Variants in RPRD1A observed in about 807,000 individuals in gnomAD.
RPRD1A encodes the protein regulation of nuclear pre-mRNA domain-containing protein 1A.
Under a neutral mutation model 37.8 loss-of-function variants are expected in RPRD1A, and 9 were observed. The ratio of observed to expected loss-of-function variants is 0.24; its 90% CI spans 0.14 to 0.42. RPRD1A has a LOEUF of 0.42. RPRD1A is among the 10% of genes least tolerant of loss of function. The pLI, the probability that RPRD1A is intolerant of heterozygous loss-of-function variation, is 1.00. For synonymous variants in RPRD1A, 138 were observed against 139.7 expected (o/e 0.99, Z 0.08); for missense variants, 255 against 371.0 (o/e 0.69, Z 2.57).
At chr18:36,024,436 G>A (rs913762674) in intron 6 of RPRD1A, among the ~76,000 whole-genome samples, 1 of 151,442 alleles carries the variant, frequency 6.6e-6, no homozygotes, top group Non-Finnish European at 1.5e-5. Flanking sequence ...GATTACAGGC[G>A]TGAACCACCA....
intron 1 of RPRD1A, among the ~76,000 whole-genome samples, chr18:36,046,977 G>C (rs1465535308): frequency 6.6e-6 from 1 of 151,778 alleles, no homozygotes; most frequent in African/African-American, 2.4e-5. Context: ...ACACAAAGTA[G>C]AGATGTTAAA....
intron 1 of RPRD1A, among the ~76,000 whole-genome samples, chr18:36,055,686 A>G (rs1913713285): frequency 6.6e-6 from 1 of 152,240 alleles, no homozygotes; most frequent in South Asian, 2.1e-4. Context: ...TATAAATAAC[A>G]AATTGATTCT....
chr18:36,015,678 T>C (rs1910509652), intron 6 of RPRD1A, among the ~76,000 whole-genome samples: 1 of 152,190 alleles, frequency 6.6e-6, no homozygotes, highest in Non-Finnish European at 1.5e-5. Context: ...ACAAATTGGA[T>C]GAACCTAGAG....
At chr18:36,033,375 T>C (rs1198453264) in intron 2 of RPRD1A, among the ~76,000 whole-genome samples, 1 of 149,956 alleles carries the variant, frequency 6.7e-6, no homozygotes, top group South Asian at 2.1e-4. Context: ...ACAAGACTGA[T>C]AGCTTTATAA....
chr18:36,034,289 T>G (rs142697190), intron 1 of RPRD1A, among the ~76,000 whole-genome samples: 81 of 152,342 alleles, frequency 5.3e-4, no homozygotes, highest in African/African-American at 1.8e-3. Flanking sequence ...TACTATTTTT[T>G]GTTTATGCAA....
intron 1 of RPRD1A, among the ~76,000 whole-genome samples, chr18:36,066,863 G>A (rs970643652): frequency 6.6e-6 from 1 of 152,102 alleles, no homozygotes; most frequent in Non-Finnish European, 1.5e-5. Flanking sequence ...CAGAAATGAC[G>A]GAAGTAACTC....
chr18:36,065,652 C>T (rs951655583), intron 1 of RPRD1A, among the ~76,000 whole-genome samples: 22 of 152,308 alleles, frequency 1.4e-4, no homozygotes, highest in Middle Eastern at 3.4e-3. Context: ...ACTTCATCAA[C>T]TAAGTTGATC....
At chr18:36,043,678 CTTT>C (rs956593950) in intron 1 of RPRD1A, among the ~76,000 whole-genome samples, 4 of 152,022 alleles carry the variant, frequency 2.6e-5, no homozygotes, top group African/African-American at 7.3e-5. Context: ...GAGACTAAAA[CTTT>C]TTTGTTTTAC....
intron 1 of RPRD1A, among the ~76,000 whole-genome samples, chr18:36,062,190 G>A (rs1389237114): frequency 5.3e-5 from 8 of 151,426 alleles, no homozygotes; most frequent in Non-Finnish European, 1.2e-4. Flanking sequence ...GGTGGCGGGC[G>A]CCTGTAGTCC....
At chr18:35,995,261 GTTTTT>G (rs1232555714) in intron 6 of RPRD1A, among the ~76,000 whole-genome samples, 1 of 109,208 alleles carries the variant, frequency 9.2e-6, no homozygotes, top group Non-Finnish European at 1.9e-5. Flanking sequence ...GCTTTTTTTC[GTTTTT>G]TTTTTTTTTT....
chr18:36,060,699 A>G (rs2144419312), intron 1 of RPRD1A, among the ~76,000 whole-genome samples: 1 of 152,312 alleles, frequency 6.6e-6, no homozygotes, highest in Non-Finnish European at 1.5e-5. Flanking sequence ...AACCTATAAT[A>G]CAATATAAAA....
chr18:36,009,977 A>G (rs116215589), intron 6 of RPRD1A, among the ~76,000 whole-genome samples: 18 of 152,176 alleles, frequency 1.2e-4, no homozygotes, highest in African/African-American at 3.9e-4. Context: ...TCCCTTCATT[A>G]TATCTATCTT....
chr18:36,022,550 TAAG>T (rs1414951734), intron 6 of RPRD1A, among the ~76,000 whole-genome samples: 35 of 152,216 alleles, frequency 2.3e-4, no homozygotes, highest in Non-Finnish European at 1.3e-4. Flanking sequence ...CTAGAGTCCT[TAAG>T]AATTATGCTA....
At chr18:36,016,128 A>G (rs1910552703) in intron 6 of RPRD1A, among the ~76,000 whole-genome samples, 1 of 152,242 alleles carries the variant, frequency 6.6e-6, no homozygotes, top group African/African-American at 2.4e-5. Context: ...TTATTACCAA[A>G]CTGTCCTCCA....
intron 6 of RPRD1A, among the ~76,000 whole-genome samples, chr18:35,994,178 T>C (rs965851820): frequency 1.3e-5 from 2 of 152,056 alleles, no homozygotes; most frequent in African/African-American, 4.8e-5. Flanking sequence ...GGCAGTAAAA[T>C]AGATATGTCC....
intron 6 of RPRD1A, among the ~76,000 whole-genome samples, chr18:36,002,418 C>T (rs531256332): frequency 1.3e-5 from 2 of 152,078 alleles, no homozygotes; most frequent in African/African-American, 4.8e-5. Flanking sequence ...CAAACACATT[C>T]TTATTATTTT....
At chr18:36,011,446 A>AT (rs1032212513) in intron 6 of RPRD1A, among the ~76,000 whole-genome samples, 4 of 152,060 alleles carry the variant, frequency 2.6e-5, no homozygotes, top group Admixed American at 2.6e-4. Context: ...AAAATATTTT[A>AT]TTTTTTTCTA....
At chr18:36,057,273 A>T (rs1050361722) in intron 1 of RPRD1A, among the ~76,000 whole-genome samples, 2 of 151,700 alleles carry the variant, frequency 1.3e-5, no homozygotes, top group Non-Finnish European at 2.9e-5. Flanking sequence ...ACACACACAT[A>T]CACACACCTT....
At chr18:36,053,072 A>G (rs1013427951) in intron 1 of RPRD1A, among the ~76,000 whole-genome samples, 1 of 152,178 alleles carries the variant, frequency 6.6e-6, no homozygotes, top group Non-Finnish European at 1.5e-5. Context: ...AGTTGTCATG[A>G]GAGTCTGGAG....
Sources: allele counts gnomAD v4.1 joint callset (sites outside exome capture counted in the v4.1 genomes callset), GRCh38; gene constraint gnomAD v4.1.1; transcripts MANE v1.5; gene names NCBI Gene and HGNC (gene_info 2026-07-23, HGNC 2026-07-21).